The following ZMYND12 variants were observed in gnomAD, a reference collection of about 807,000 sequenced individuals.
ZMYND12 encodes zinc finger MYND domain-containing protein 12.
ZMYND12 carries 32 observed loss-of-function variants against 41.7 expected under a neutral mutation model. The observed-to-expected ratio is 0.77, with a 90% CI of 0.58 to 1.03. The LOEUF is 1.03. Among genes scored for constraint, ZMYND12 ranks in the 50% least tolerant of loss-of-function variants. ZMYND12 has a pLI of 0.00. For missense variants in ZMYND12, 424 were observed against 438.5 expected, an observed-to-expected ratio of 0.97 and a Z score of 0.30; for synonymous variants, 148 against 164.8, an observed-to-expected ratio of 0.90 and a Z score of 0.78.
chr1:42,433,524 A>T (rs1642876707), intron 6 of ZMYND12, among the ~76,000 whole-genome samples: 3 of 152,324 alleles, frequency 2.0e-5, no homozygotes, highest in African/African-American at 7.2e-5. Context: ...TGCCATTATC[A>T]GAGTAGCCTA....
intron 3 of ZMYND12, among the ~76,000 whole-genome samples, chr1:42,445,420 G>A (rs1244101775): frequency 2.1e-4 from 31 of 147,088 alleles, no homozygotes; most frequent in African/African-American, 7.5e-4. Flanking sequence ...ACAACAGATC[G>A]GGACTCCGTC....
intron 6 of ZMYND12, among the ~76,000 whole-genome samples, chr1:42,433,923 T>TTAAG (rs1642881012): frequency 6.7e-6 from 1 of 149,230 alleles, no homozygotes; most frequent in Non-Finnish European, 1.5e-5. Flanking sequence ...CACCATCATG[T>TTAAG]TAAGGTTGGC....
intron 4 of ZMYND12, among the ~76,000 whole-genome samples, chr1:42,437,553 G>T (rs535973680): frequency 1.3e-5 from 2 of 149,122 alleles, no homozygotes; most frequent in African/African-American, 2.5e-5. Context: ...TCCCTCTGTC[G>T]CCCAGGCTGG....
rs148933400 is a variant in ZMYND12 at position 42,445,221 on chromosome 1, C to A, written c.424+3246G>T. Among the ~76,000 whole-genome samples, 168 of 151,526 alleles carry A rather than the reference C, an allele frequency of 1.1e-3. 2 individuals carry two copies. Among genetic ancestry groups the A allele is most frequent in the African/African-American group, 3.8e-3 (157 of 41,422 alleles). On this transcript the variant is annotated intron_variant, in intron 3 of 7. Transcript: ENST00000372565. Reference sequence around the variant, plus strand: ...ACTGAGGTGGGTGGATCATTTGAAGCCAGGAGTTCAAGACCAGCCTGGGCA... The same window carrying A: ...ACTGAGGTGGGTGGATCATTTGAAGACAGGAGTTCAAGACCAGCCTGGGCA...
Position 42,430,929 on chromosome 1 carries a change from C to G in ZMYND12, c.976-71G>C. ...ATAACACTGGGAAGCCCCATCTGTG[C>G]TCAACTCCAGAAACATGAGAGAGAA... is the stretch of plus-strand genomic sequence containing the variant. On this transcript the variant is annotated intron_variant, in intron 7 of 7. Transcript: ENST00000372565. The G allele has an allele frequency of 1.9e-6, 3 of 1,589,492 alleles. No individual in the cohort carries two copies. In the East Asian group the frequency reaches 6.8e-5, roughly 36 times the overall value.
In ZMYND12 at chr1:42,448,575, C is replaced by T; in HGVS notation, c.316G>A (p.Asp106Asn). The part of the protein sequence containing the change: ...QKYLFEGKHE[D>N]AVPAALQSLR... Reference sequence around the variant, plus strand: ...GACTGCAAAGCTGCTGGTACAGCATCTTCGTGTTTCCCTTCAAAGAGGTAT... The same window carrying T: ...GACTGCAAAGCTGCTGGTACAGCATTTTCGTGTTTCCCTTCAAAGAGGTAT... The change falls in exon 3 of 8, where the codon GAT (aspartate) becomes AAT (asparagine). Residue 106 changes from aspartate to asparagine, a missense_variant. Physicochemically the swap from Asp to Asn is conservative, Grantham distance 23. Transcript: ENST00000372565. 1 of 1,613,800 alleles carries T rather than the reference C, an allele frequency of 6.2e-7. No homozygotes were observed. The highest frequency in any genetic ancestry group is 1.1e-5 in the South Asian group (1 of 90,986).
intron 3 of ZMYND12, among the ~76,000 whole-genome samples, chr1:42,448,252 C>T (rs575769265): frequency 1.3e-5 from 2 of 152,210 alleles, no homozygotes; most frequent in African/African-American, 4.8e-5. Flanking sequence ...AAAGTTCCTC[C>T]TTTTTGTGCA....
intron 3 of ZMYND12, among the ~76,000 whole-genome samples, chr1:42,443,511 A>G (rs1206504734): frequency 6.6e-6 from 1 of 152,166 alleles, no homozygotes; most frequent in Non-Finnish European, 1.5e-5. Context: ...TTATGGGAGA[A>G]GATTTTGCAG....
chr1:42,445,158 T>G, intron 3 of ZMYND12, among the ~76,000 whole-genome samples: 1 of 148,362 alleles, frequency 6.7e-6, no homozygotes. Context: ...CCCAGCTGGG[T>G]GCGGTGGCTC....
At chr1:42,449,351 T>A (rs921625799) in intron 2 of ZMYND12, among the ~76,000 whole-genome samples, 3 of 152,182 alleles carry the variant, frequency 2.0e-5, no homozygotes, top group Non-Finnish European at 4.4e-5. Context: ...CTGAACTGTG[T>A]CCCCTGCCAA....
At chr1:42,436,295 C>A in intron 5 of ZMYND12, 126 bp downstream of exon 5, 2 of 1,388,388 alleles carry the variant, frequency 1.4e-6, no homozygotes, top group South Asian at 1.3e-5. Context: ...TAGTCTTGGG[C>A]AAGCCACTTC....
chr1:42,437,024 A>G (rs147439578), intron 4 of ZMYND12, among the ~76,000 whole-genome samples: 76 of 152,316 alleles, frequency 5.0e-4, no homozygotes, highest in African/African-American at 1.6e-3. Context: ...AAATACACAA[A>G]ACATAGAAAC....
rs1642841268 is a variant in ZMYND12 at position 42,430,852 on chromosome 1, C to T, written c.982G>A (p.Glu328Lys). ...YLMMNSSKAQ[E>K]YGMRALSLAK... Reference sequence around the variant, plus strand: ...AGACTGAGGGCCCTCATGCCATATTCCTGTGCCTGAAATAGAATTGCAGTG... The same window carrying T: ...AGACTGAGGGCCCTCATGCCATATTTCTGTGCCTGAAATAGAATTGCAGTG... Residue 328 changes from glutamate (E) to lysine (K), a missense_variant, in exon 8 of 8, where the codon GAA becomes AAA. Physicochemically the swap from Glu to Lys is moderately conservative, Grantham distance 56. Transcript: ENST00000372565. The T allele has an allele frequency of 6.2e-7, 1 of 1,614,002 alleles. No individual in the cohort carries two copies. The highest frequency in any genetic ancestry group is 8.5e-7 in the Non-Finnish European group (1 of 1,179,994).
chr1:42,442,702 G>A (rs1031865402), intron 3 of ZMYND12, among the ~76,000 whole-genome samples: 1 of 152,136 alleles, frequency 6.6e-6, no homozygotes, highest in Non-Finnish European at 1.5e-5. Flanking sequence ...CTGCTCCTCT[G>A]TGTCCTTCCT....
chr1:42,450,133 C>A, intron 1 of ZMYND12, 74 bp from the exon 2 acceptor site: 1 of 1,555,040 alleles, frequency 6.4e-7, no homozygotes, highest in Admixed American at 1.7e-5. Flanking sequence ...CTCCTACTGG[C>A]CTATCCCTAG....
rs546350155 is a variant in ZMYND12 at position 42,432,947 on chromosome 1, G to A, written c.975+196C>T. The A allele has an allele frequency of 7.3e-5, 45 of 618,064 alleles. 1 individual carries two copies. In the South Asian group the frequency reaches 8.3e-4, roughly 11 times the overall value. The allele number at this position is 618,064 out of a possible 1,614,324, so 38.3% of individuals were successfully genotyped here. ...TATGCAAGACTGGGAACCCTCGGGG[G>A]AAGAAGACAATCCAATTTCCATTAT... On this transcript the variant is annotated intron_variant, in intron 7 of 7. Transcript: ENST00000372565.
At chr1:42,453,992 A>G (rs537577774) in intron 1 of ZMYND12, among the ~76,000 whole-genome samples, 11 of 152,350 alleles carry the variant, frequency 7.2e-5, no homozygotes, top group Admixed American at 1.3e-4. Flanking sequence ...ACTGTGAGAG[A>G]GAAAAGTATG....
rs528969933 is a variant in ZMYND12, at chr1:42,434,897, A to C, written c.829+377T>G. 3.3e-5 allele frequency among the ~76,000 whole-genome samples: 5 copies of C among 152,210 alleles called. No homozygotes were observed. The East Asian group carries it at 9.7e-4, about 29-fold the overall frequency. ...TGAAACCATTCCTCCCACGCCCCCC[A>C]GTCCATGGAAAAATTGTCTTCCATG... On this transcript the variant is annotated intron_variant, in intron 6 of 7. Transcript: ENST00000372565.
In ZMYND12 at chr1:42,430,355, AC is replaced by A. The variant is rs1403726217; in HGVS notation, c.*380del. 1 of 175,540 alleles carries A rather than the reference AC, an allele frequency of 5.7e-6. No individual in the cohort carries two copies. Among genetic ancestry groups the A allele is most frequent in the African/African-American group, 2.4e-5 (1 of 42,434 alleles). 10.9% of individuals were successfully genotyped at this position (175,540 alleles called of 1,614,324 possible). ...TTGTTCCAATATAGCTTTATTCCCTACCCCCTCCTTTACCCCTCCTTTAGCA... is the reference window on the plus strand; with the variant it reads ...TTGTTCCAATATAGCTTTATTCCCTACCCCTCCTTTACCCCTCCTTTAGCA... On this transcript the variant is annotated 3_prime_UTR_variant, in exon 8 of 8. Transcript: ENST00000372565.
Sources: allele counts gnomAD v4.1 joint callset (sites outside exome capture counted in the v4.1 genomes callset), GRCh38; gene constraint gnomAD v4.1.1; transcripts MANE v1.5; gene names NCBI Gene and HGNC (gene_info 2026-07-23, HGNC 2026-07-21).